Variants in CLTC observed in about 807,000 individuals in gnomAD.
The protein encoded by CLTC is clathrin heavy chain 1.
CLTC carries 16 observed loss-of-function variants against 195.8 expected under a neutral mutation model. That is an observed-to-expected ratio of 0.08 (90% confidence interval 0.06 to 0.12). The LOEUF is 0.12. CLTC is among the 10% of genes least tolerant of loss of function. CLTC has a pLI of 1.00. For missense variants in CLTC, 796 were observed against 2,027.0 expected, an observed-to-expected ratio of 0.39 and a Z score of 11.66; for synonymous variants, 667 against 689.4, an observed-to-expected ratio of 0.97 and a Z score of 0.51.
intron 1 of CLTC, among the ~76,000 whole-genome samples, chr17:59,628,744 C>T (rs1300513653): frequency 1.3e-5 from 2 of 152,038 alleles, no homozygotes; most frequent in African/African-American, 2.4e-5. Flanking sequence ...CTGCAACTTC[C>T]GCCTCCCAGG....
rs373551737 is a variant in CLTC, at chr17:59,661,514, T to A, written c.1239T>A (p.Pro413=). 1.9e-6 allele frequency: 3 copies of A among 1,614,142 alleles called. No individual in the cohort carries two copies. The highest frequency in any genetic ancestry group is 2.5e-6 in the Non-Finnish European group (3 of 1,179,982). Residue 413 remains proline (P), a synonymous_variant, in exon 8 of 32, where the codon CCT becomes CCA. Coordinates refer to ENST00000269122, the MANE Select transcript of CLTC (RefSeq NM_004859.4). ...CAGCCCAGCCAGGTCAAACTTCTCC[T>A]CTACTTCAGTACTTTGGTATCCTTT... The part of the protein sequence containing the change: ...SVPAQPGQTS[P]LLQYFGILLD...
intron 1 of CLTC, among the ~76,000 whole-genome samples, chr17:59,632,241 G>A (rs1161411240): frequency 6.6e-6 from 1 of 151,844 alleles, no homozygotes; most frequent in Non-Finnish European, 1.5e-5. Context: ...GGTGGCGGGT[G>A]CCTGTAGTCC....
Position 59,622,895 on chromosome 17 carries a change from T to C in CLTC, c.42+2722T>C, listed in dbSNP as rs555344801. On this transcript the variant is annotated intron_variant, in intron 1 of 31. Coordinates refer to ENST00000269122, the MANE Select transcript of CLTC (RefSeq NM_004859.4). ...CTGAAGGATCTCTTGTCATCAAAGC[T>C]TGGACCTACAGCAAATGAATGTGAA... is the stretch of plus-strand genomic sequence containing the variant. Among the ~76,000 whole-genome samples the C allele has an allele frequency of 1.3e-3, 195 of 152,354 alleles. 1 individual carries two copies. Among genetic ancestry groups the C allele is most frequent in the African/African-American group, 4.2e-3 (175 of 41,584 alleles).
At chr17:59,649,320 C>T (rs1445599867) in intron 4 of CLTC, among the ~76,000 whole-genome samples, 3 of 152,182 alleles carry the variant, frequency 2.0e-5, no homozygotes, top group Admixed American at 6.5e-5. Flanking sequence ...TTTCTGGATG[C>T]TTGGAAATTC....
chr17:59,674,151 A>G (rs1031287632), intron 15 of CLTC, among the ~76,000 whole-genome samples: 3 of 152,170 alleles, frequency 2.0e-5, no homozygotes, highest in East Asian at 3.8e-4. Context: ...GAAGGGGGAA[A>G]AAAAAAACAT....
chr17:59,656,863 G>A (rs974215915), intron 6 of CLTC, among the ~76,000 whole-genome samples: 9 of 151,454 alleles, frequency 5.9e-5, no homozygotes, highest in African/African-American at 1.9e-4. Flanking sequence ...TAGTAGAGGC[G>A]GGCTTTCACC....
At chr17:59,635,036 T>G (rs1430953991) in intron 1 of CLTC, among the ~76,000 whole-genome samples, 1 of 152,220 alleles carries the variant, frequency 6.6e-6, no homozygotes, top group East Asian at 1.9e-4. Context: ...TAAAAATGCT[T>G]GTATTGAGAG....
intron 30 of CLTC, 127 bp from the exon 31 acceptor site, chr17:59,690,509 A>G (rs2033272065): frequency 1.6e-6 from 1 of 628,286 alleles, no homozygotes; most frequent in South Asian, 2.1e-5. Flanking sequence ...AGGGGGACTG[A>G]GAATGTTCTT....
intron 18 of CLTC, 30 bp downstream of exon 18, chr17:59,679,549 C>T (rs754636541): frequency 6.5e-7 from 1 of 1,532,594 alleles, no homozygotes; most frequent in East Asian, 2.3e-5. Flanking sequence ...TTATGGCTGT[C>T]AGTAAAAATT....
chr17:59,646,047 A>C (rs2032186281), intron 2 of CLTC: 1 of 769,980 alleles, frequency 1.3e-6, no homozygotes, highest in African/African-American at 1.9e-5. Context: ...AGATTGTATT[A>C]GTTATTGTCC....
intron 2 of CLTC, 27 bp from the exon 3 acceptor site, chr17:59,647,371 A>AAG: frequency 6.4e-7 from 1 of 1,572,844 alleles, no homozygotes; most frequent in Non-Finnish European, 8.7e-7. Context: ...TCTTTTAATG[A>AAG]TTTATAATTC....
chr17:59,692,693 G>A (rs1458055253), intron 31 of CLTC, among the ~76,000 whole-genome samples: 2 of 152,148 alleles, frequency 1.3e-5, no homozygotes, highest in Admixed American at 1.3e-4. Flanking sequence ...CTGGAGTGCA[G>A]TGGCGTGATC....
At chr17:59,650,544 G>C (rs2032304329) in intron 4 of CLTC, among the ~76,000 whole-genome samples, 1 of 143,414 alleles carries the variant, frequency 7.0e-6, no homozygotes, top group Non-Finnish European at 1.5e-5. Context: ...CTGGAATGCA[G>C]TGGCACGATC....
At chr17:59,665,965 C>T (rs1178595631) in intron 10 of CLTC, 138 bp from the exon 11 acceptor site, 2 of 538,314 alleles carry the variant, frequency 3.7e-6, no homozygotes, top group Non-Finnish European at 6.5e-6. Context: ...ACTATGATCC[C>T]TAGAGGACAA....
chr17:59,652,215 C>G (rs2032344117), intron 5 of CLTC, among the ~76,000 whole-genome samples: 1 of 152,190 alleles, frequency 6.6e-6, no homozygotes, highest in Admixed American at 6.5e-5. Context: ...CCTCAGTCAT[C>G]CATGAAGGTT....
chr17:59,622,430 G>C (rs2031409735), intron 1 of CLTC, among the ~76,000 whole-genome samples: 1 of 151,832 alleles, frequency 6.6e-6, no homozygotes. Flanking sequence ...TTTGCTGGAG[G>C]TCAGTGGCAC....
rs1254839542 is a variant in CLTC, at chr17:59,644,285, C to T, written c.52C>T (p.Leu18=). The change falls in exon 2 of 32, where the codon CTG becomes TTG. Residue 18 remains leucine (L), a synonymous_variant. Coordinates refer to ENST00000269122, the MANE Select transcript of CLTC (RefSeq NM_004859.4). ...TTATTATTTTTTCTAGCTCCAGAAC[C>T]TGGGTATCAACCCAGCAAACATTGG... ...RFQEHLQLQN[L]GINPANIGFS... is the part of the protein sequence containing the mutation. The T allele has an allele frequency of 1.2e-5, 19 of 1,613,652 alleles. No individual in the cohort carries two copies. Among genetic ancestry groups the T allele is most frequent in the Non-Finnish European group, 1.6e-5 (19 of 1,179,854 alleles).
chr17:59,638,807 C>G (rs554833053), intron 1 of CLTC, among the ~76,000 whole-genome samples: 42 of 152,108 alleles, frequency 2.8e-4, no homozygotes, highest in Non-Finnish European at 4.6e-4. Flanking sequence ...TACTGGTCTG[C>G]GGCCTGTGGT....
rs745528322 is a variant in CLTC at position 59,666,575 on chromosome 17, A to G, written c.1878A>G (p.Ala626=). The stretch of plus-strand genomic sequence containing the variant: ...AAAAGGCTGGCCTACTGCAGCGTGC[A>G]TTAGAACATTTCACTGATTTATATG... ...LCEKAGLLQR[A]LEHFTDLYDI... The change falls in exon 12 of 32, where the codon GCA becomes GCG. Residue 626 remains alanine, a synonymous_variant. Transcript: ENST00000269122. This position sits in a 1 kb window ranked among gnomAD's most constrained non-coding sequence, Gnocchi z 4.9. The G allele has an allele frequency of 6.2e-7, 1 of 1,614,134 alleles. No individual in the cohort carries two copies. Among genetic ancestry groups the G allele is most frequent in the Non-Finnish European group, 8.5e-7 (1 of 1,179,992 alleles).
Sources: allele counts gnomAD v4.1 joint callset (sites outside exome capture counted in the v4.1 genomes callset), GRCh38; gene constraint gnomAD v4.1.1; non-coding constraint Gnocchi (gnomAD v3.1); transcripts MANE v1.5; gene names NCBI Gene and HGNC (gene_info 2026-07-23, HGNC 2026-07-21).